The following TMEM117 variants were observed in gnomAD, a reference collection of about 807,000 sequenced individuals.
The protein encoded by TMEM117 is transmembrane protein 117.
A neutral mutation model predicts 52.4 loss-of-function variants in TMEM117; 27 were observed. The observed-to-expected ratio is 0.51, with a 90% confidence interval of 0.38 to 0.71. The LOEUF is 0.71. TMEM117 is among the 30% of genes least tolerant of loss of function. The probability of loss-of-function intolerance (pLI) is 0.00; values close to 1 mark genes in which losing one functional copy is unlikely to be tolerated. For missense variants in TMEM117, 556 were observed against 630.5 expected (o/e 0.88, Z 1.26); for synonymous variants, 215 against 206.3 (o/e 1.04, Z -0.36).
chr12:43,914,491 C>T (rs549962761), intron 2 of TMEM117, among the ~76,000 whole-genome samples: 113 of 152,180 alleles, frequency 7.4e-4, no homozygotes, highest in African/African-American at 2.2e-3. Flanking sequence ...AACACTGTGC[C>T]GGGAATTCAG....
intron 5 of TMEM117, among the ~76,000 whole-genome samples, chr12:44,219,895 G>A (rs138345499): frequency 6.6e-6 from 1 of 152,212 alleles, no homozygotes; most frequent in African/African-American, 2.4e-5. Context: ...ATAATTCTGG[G>A]TAGTCTATTT....
chr12:44,146,567 A>G (rs2138208746), intron 4 of TMEM117, among the ~76,000 whole-genome samples: 1 of 152,358 alleles, frequency 6.6e-6, no homozygotes, highest in South Asian at 2.1e-4. Flanking sequence ...TGATTTTAAA[A>G]TATAGTCACA....
intron 2 of TMEM117, among the ~76,000 whole-genome samples, chr12:43,897,948 C>T (rs1398086686): frequency 1.3e-5 from 2 of 152,046 alleles, no homozygotes; most frequent in East Asian, 1.9e-4. Context: ...CTTTTTCTCT[C>T]ATGACCCTTG....
intron 2 of TMEM117, among the ~76,000 whole-genome samples, chr12:43,930,543 C>T (rs1364017963): frequency 6.6e-6 from 1 of 152,174 alleles, no homozygotes; most frequent in East Asian, 1.9e-4. Flanking sequence ...CATCTAAGTG[C>T]ATTTTCTTTC....
chr12:43,920,613 T>C (rs1565751734), intron 2 of TMEM117, among the ~76,000 whole-genome samples: 2 of 145,362 alleles, frequency 1.4e-5, no homozygotes, highest in Non-Finnish European at 3.0e-5. Context: ...TGGAGTGGCA[T>C]GATCACAACT....
intron 3 of TMEM117, among the ~76,000 whole-genome samples, chr12:43,998,428 C>T (rs1047212893): frequency 6.6e-6 from 1 of 152,132 alleles, no homozygotes; most frequent in Admixed American, 6.5e-5. Context: ...GTTTTGGATA[C>T]ACCCTGATAA....
At chr12:44,360,707 AATG>A (rs1331371768) in intron 6 of TMEM117, among the ~76,000 whole-genome samples, 1 of 152,200 alleles carries the variant, frequency 6.6e-6, no homozygotes, top group African/African-American at 2.4e-5. Context: ...AATCAATCTA[AATG>A]ATGTCGAGAA....
At chr12:44,233,444 A>G (rs1949956883) in intron 5 of TMEM117, among the ~76,000 whole-genome samples, 1 of 151,250 alleles carries the variant, frequency 6.6e-6, no homozygotes, top group South Asian at 2.1e-4. Flanking sequence ...ACACAGAATT[A>G]GATTAATCAT....
chr12:44,395,578 G>A, the TMEM117 span, among the ~76,000 whole-genome samples: 3 of 152,270 alleles, frequency 2.0e-5, no homozygotes, highest in East Asian at 5.8e-4. Flanking sequence ...AAATCCCACT[G>A]GCTTAACACA....
At chr12:43,810,744 C>T in the TMEM117 span, among the ~76,000 whole-genome samples, 2 of 152,188 alleles carry the variant, frequency 1.3e-5, no homozygotes, top group African/African-American at 4.8e-5. Flanking sequence ...TTTGGAGCTG[C>T]CTGAAAATCA....
At chr12:43,810,420 A>G in the TMEM117 span, among the ~76,000 whole-genome samples, 1 of 152,300 alleles carries the variant, frequency 6.6e-6, no homozygotes, top group South Asian at 2.1e-4. Context: ...ATTATCTCAT[A>G]CTGAGTCCAC....
intron 2 of TMEM117, among the ~76,000 whole-genome samples, chr12:43,934,964 T>C (rs1478606731): frequency 6.6e-6 from 1 of 152,184 alleles, no homozygotes; most frequent in Non-Finnish European, 1.5e-5. Context: ...ATTCATGGAA[T>C]AATTCTCATA....
rs200039636 is a variant in TMEM117 at position 44,190,316 on chromosome 12, A to G, written c.511-20974A>G. 1.7e-3 allele frequency among the ~76,000 whole-genome samples: 260 copies of G among 152,344 alleles called. 2 individuals carry two copies. The East Asian group carries it at 0.032, about 19-fold the overall frequency. ...TAGCTATAAAGCAAAAATAAATTTT[A>G]GTATATTGTCTCTTCAAGCTATGCT... On this transcript the variant is annotated intron_variant, in intron 4 of 7. Transcript: ENST00000266534.
intron 4 of TMEM117, among the ~76,000 whole-genome samples, chr12:44,184,382 T>C (rs1483952513): frequency 1.3e-5 from 2 of 151,934 alleles, no homozygotes; most frequent in African/African-American, 4.8e-5. Flanking sequence ...GAAATTAGCC[T>C]GGATTGTTTG....
intron 2 of TMEM117, among the ~76,000 whole-genome samples, chr12:43,891,790 C>T (rs1357756907): frequency 2.0e-5 from 3 of 152,066 alleles, no homozygotes; most frequent in Admixed American, 2.0e-4. Flanking sequence ...TTTTTTTCCT[C>T]TATTGTTTTA....
chr12:44,051,883 G>A (rs1946978725), intron 3 of TMEM117, among the ~76,000 whole-genome samples: 1 of 152,112 alleles, frequency 6.6e-6, no homozygotes, highest in Non-Finnish European at 1.5e-5. Flanking sequence ...TTGTCAATAC[G>A]ATTTTAAAAA....
intron 2 of TMEM117, among the ~76,000 whole-genome samples, chr12:43,939,179 C>A (rs925223289): frequency 6.6e-5 from 10 of 152,036 alleles, no homozygotes; most frequent in African/African-American, 2.2e-4. Context: ...ACTATTATAT[C>A]TTTTGACTCC....
chr12:44,236,533 T>A (rs1301388633), intron 5 of TMEM117, among the ~76,000 whole-genome samples: 1 of 152,166 alleles, frequency 6.6e-6, no homozygotes. Context: ...TTCTTGACTT[T>A]CTTTCTTAGA....
chr12:43,911,549 G>A (rs1261712852), intron 2 of TMEM117, among the ~76,000 whole-genome samples: 1 of 135,616 alleles, frequency 7.4e-6, no homozygotes, highest in Non-Finnish European at 1.6e-5. Flanking sequence ...TACCATCAGA[G>A]TGAACAGGCA....
Sources: gnomAD v4.1 joint callset for allele counts (sites outside exome capture counted in the v4.1 genomes callset) on GRCh38, gnomAD v4.1.1 for gene constraint, MANE v1.5 for transcripts, NCBI Gene and HGNC (gene_info 2026-07-23, HGNC 2026-07-21) for gene names.